MAN2A1: variants seen among roughly 807,000 people sequenced by gnomAD.
MAN2A1 encodes the protein alpha-mannosidase 2.
Under a neutral mutation model 142.6 loss-of-function variants are expected in MAN2A1, and 76 were observed. That is an observed-to-expected ratio of 0.53 (90% CI 0.44 to 0.65). MAN2A1 has a LOEUF of 0.65. MAN2A1 is among the 30% of genes least tolerant of loss of function. MAN2A1 has a pLI of 0.00. For synonymous variants in MAN2A1, 559 were observed against 473.2 expected (o/e 1.18, Z -2.35); for missense variants, 1,311 against 1,365.1 (o/e 0.96, Z 0.62).
intron 19 of MAN2A1, 132 bp downstream of exon 19, chr5:109,847,922 C>T: frequency 7.6e-6 from 4 of 528,480 alleles, no homozygotes; most frequent in Non-Finnish European, 1.2e-5. Flanking sequence ...TAGATGTGGC[C>T]CACATTCACA....
At chr5:109,789,090 C>T (rs751380082) in intron 11 of MAN2A1, 42 bp downstream of exon 11, 2 of 1,030,896 alleles carry the variant, frequency 1.9e-6, no homozygotes, top group South Asian at 1.5e-5. Context: ...ATGTGTAATT[C>T]CATTGTTCTT....
At chr5:109,790,182 G>C (rs1026260748) in intron 12 of MAN2A1, among the ~76,000 whole-genome samples, 1 of 151,886 alleles carries the variant, frequency 6.6e-6, no homozygotes, top group African/African-American at 2.4e-5. Context: ...CAGGCACACA[G>C]TGGTTATTTT....
intron 12 of MAN2A1, among the ~76,000 whole-genome samples, chr5:109,806,945 A>G (rs1229044785): frequency 3.3e-5 from 5 of 152,216 alleles, no homozygotes; most frequent in Non-Finnish European, 7.3e-5. Flanking sequence ...ATAAACTTTC[A>G]TATATTAGGA....
chr5:109,799,104 G>C (rs1223105638), intron 12 of MAN2A1, among the ~76,000 whole-genome samples: 15 of 152,160 alleles, frequency 9.9e-5, no homozygotes, highest in African/African-American at 2.9e-4. Context: ...CCCTGTGACA[G>C]ATGTCCCTGC....
chr5:109,759,948 TATATATATATATATATAG>T (rs1183453262), intron 5 of MAN2A1, among the ~76,000 whole-genome samples: 8 of 42,140 alleles, frequency 1.9e-4, no homozygotes, highest in East Asian at 0.013. Context: ...GAATTGTTGC[TATATATATATATATATAG>T]ATAGATAGAT....
chr5:109,843,377 C>T (rs561652179), intron 17 of MAN2A1, among the ~76,000 whole-genome samples: 1 of 152,204 alleles, frequency 6.6e-6, no homozygotes, highest in Admixed American at 6.5e-5. Flanking sequence ...GGAACCACCC[C>T]CATGATCTAG....
At chr5:109,796,676 T>C (rs1440924741) in intron 12 of MAN2A1, among the ~76,000 whole-genome samples, 1 of 152,190 alleles carries the variant, frequency 6.6e-6, no homozygotes, top group African/African-American at 2.4e-5. Context: ...GTGATATTCT[T>C]TGTTGAAGAA....
chr5:109,834,358 A>G (rs1226401401), intron 16 of MAN2A1, among the ~76,000 whole-genome samples: 1 of 152,154 alleles, frequency 6.6e-6, no homozygotes, highest in Non-Finnish European at 1.5e-5. Context: ...TTTGAGGTTA[A>G]AACTGATGTC....
chr5:109,842,396 G>A lies in MAN2A1; in HGVS notation c.2635G>A (p.Ala879Thr). The A allele has an allele frequency of 1.3e-6, 2 of 1,586,454 alleles. No homozygotes were observed. The highest frequency in any genetic ancestry group is 1.7e-6 in the Non-Finnish European group (2 of 1,156,408). Reference sequence around the variant, plus strand: ...CCGAAAAGTATATAACCGTGAGATTGCAATGAAAATTTCTTCTGATATAAA... The same window carrying A: ...CCGAAAAGTATATAACCGTGAGATTACAATGAAAATTTCTTCTGATATAAA... ...DIRKVYNREI[A>T]MKISSDIKSQ... The change falls in exon 17 of 22, where the codon GCA (alanine) becomes ACA (threonine). Residue 879 changes from alanine (A) to threonine (T), a missense_variant. Ala to Thr is a moderately conservative substitution (Grantham distance 58). Coordinates refer to ENST00000261483, the MANE Select transcript of MAN2A1 (RefSeq NM_002372.4).
intron 3 of MAN2A1, among the ~76,000 whole-genome samples, chr5:109,717,027 G>C (rs1751474690): frequency 6.6e-6 from 1 of 151,896 alleles, no homozygotes; most frequent in South Asian, 2.1e-4. Flanking sequence ...ATATTTGTTG[G>C]TTTGAGTACC....
intron 1 of MAN2A1, among the ~76,000 whole-genome samples, chr5:109,711,737 C>A (rs17162096): frequency 0.099 from 15,022 of 152,154 alleles, 1,031 homozygotes; most frequent in African/African-American, 0.2. Context: ...CCTCTCTTGC[C>A]TTTCACTGGT....
At position 109,820,519 on chromosome 5, in the gene MAN2A1, A is replaced by G. The variant is rs145064792; in HGVS notation, c.2451+177A>G. Among the ~76,000 whole-genome samples the G allele has an allele frequency of 1.8e-3, 274 of 152,350 alleles. 4 individuals are homozygous for G. Among genetic ancestry groups the G allele is most frequent in the African/African-American group, 4.8e-3 (199 of 41,596 alleles). ...ACTTAGCAATTTGTAGTCGAAAGTT[A>G]GATAAATGGTTGGGCGCAGTGGCTC... On this transcript the variant is annotated intron_variant, in intron 15 of 21. Coordinates refer to ENST00000261483, the MANE Select transcript of MAN2A1 (RefSeq NM_002372.4).
chr5:109,737,678 G>A (rs535356066), intron 4 of MAN2A1, among the ~76,000 whole-genome samples: 15 of 152,120 alleles, frequency 9.9e-5, no homozygotes, highest in Non-Finnish European at 1.9e-4. Flanking sequence ...AAAAAGTATC[G>A]TTAGAGTGTA....
intron 19 of MAN2A1, among the ~76,000 whole-genome samples, chr5:109,851,588 G>A (rs1755483704): frequency 6.6e-6 from 1 of 152,154 alleles, no homozygotes; most frequent in African/African-American, 2.4e-5. Context: ...CATGCTCTTG[G>A]AATTCCCAGC....
chr5:109,845,805 GT>G (rs1177693043), intron 17 of MAN2A1, 59 bp from the exon 18 acceptor site: 1 of 1,409,552 alleles, frequency 7.1e-7, no homozygotes, highest in East Asian at 2.5e-5. Flanking sequence ...CTGTCCTCAA[GT>G]TTTTAAAAGA....
At chr5:109,775,057 A>T (rs776711427) in intron 8 of MAN2A1, 92 bp downstream of exon 8, 6 of 791,844 alleles carry the variant, frequency 7.6e-6, no homozygotes, top group Non-Finnish European at 1.2e-5. Context: ...TCTTTGTCCT[A>T]CATCACAGTG....
intron 4 of MAN2A1, among the ~76,000 whole-genome samples, chr5:109,738,233 GTTT>G (rs70999941): frequency 1.6e-5 from 2 of 122,584 alleles, no homozygotes; most frequent in Non-Finnish European, 3.4e-5. Context: ...GGTATTTTAT[GTTT>G]TTTTTTTTTT....
At chr5:109,799,452 G>T (rs1373737175) in intron 12 of MAN2A1, among the ~76,000 whole-genome samples, 1 of 151,828 alleles carries the variant, frequency 6.6e-6, no homozygotes, top group Non-Finnish European at 1.5e-5. Context: ...TACCTGGGGG[G>T]TTAAAAAAAA....
At chr5:109,769,019 G>A (rs1753067145) in intron 6 of MAN2A1, among the ~76,000 whole-genome samples, 1 of 152,138 alleles carries the variant, frequency 6.6e-6, no homozygotes, top group Non-Finnish European at 1.5e-5. Context: ...GCCAAATGTA[G>A]CAGATAAAAT....
Sources: allele counts gnomAD v4.1 joint callset (sites outside exome capture counted in the v4.1 genomes callset), GRCh38; gene constraint gnomAD v4.1.1; transcripts MANE v1.5; gene names NCBI Gene and HGNC (gene_info 2026-07-23, HGNC 2026-07-21).